The following SCHIP1 variants were observed in gnomAD, a reference collection of about 807,000 sequenced individuals.
SCHIP1 encodes schwannomin-interacting protein 1.
SCHIP1 carries 8 observed loss-of-function variants against 29.7 expected under a neutral mutation model. The ratio of observed to expected loss-of-function variants is 0.27; its 90% CI spans 0.16 to 0.49. The LOEUF is 0.49. Ranked by LOEUF, SCHIP1 falls within the 20% of genes least tolerant of loss-of-function variation. The pLI, the probability that SCHIP1 is intolerant of heterozygous loss-of-function variation, is 0.99. For missense variants in SCHIP1, 193 were observed against 294.6 expected, an observed-to-expected ratio of 0.66 and a Z score of 2.52; for synonymous variants, 76 against 94.9, an observed-to-expected ratio of 0.80 and a Z score of 1.16.
the SCHIP1 span, among the ~76,000 whole-genome samples, chr3:159,528,938 A>G: frequency 6.6e-6 from 1 of 152,168 alleles, no homozygotes; most frequent in Admixed American, 6.5e-5. Context: ...GCACATGACA[A>G]TGTATACATT....
the SCHIP1 span, among the ~76,000 whole-genome samples, chr3:159,284,673 C>G: frequency 1.1e-4 from 16 of 151,370 alleles, no homozygotes; most frequent in South Asian, 2.7e-3. Context: ...ATTTTTTTTT[C>G]TTTAGTAGAG....
the SCHIP1 span, among the ~76,000 whole-genome samples, chr3:159,393,351 C>T: frequency 1.3e-5 from 2 of 152,068 alleles, no homozygotes; most frequent in African/African-American, 4.8e-5. Flanking sequence ...GCTTTTCTTG[C>T]CATTGCTTTT....
the SCHIP1 span, among the ~76,000 whole-genome samples, chr3:159,476,002 A>G: frequency 6.6e-6 from 1 of 152,176 alleles, no homozygotes; most frequent in South Asian, 2.1e-4. Flanking sequence ...ACCAGAAACC[A>G]GGGATCTGTA....
the SCHIP1 span, among the ~76,000 whole-genome samples, chr3:159,369,915 C>T: frequency 6.6e-6 from 1 of 152,140 alleles, no homozygotes; most frequent in Non-Finnish European, 1.5e-5. Flanking sequence ...TTCTTTTCAA[C>T]CATATTCACA....
chr3:159,417,688 T>C, the SCHIP1 span, among the ~76,000 whole-genome samples: 1 of 152,214 alleles, frequency 6.6e-6, no homozygotes, highest in African/African-American at 2.4e-5. Context: ...AACTTTGCAG[T>C]GCTTTCCTAC....
chr3:159,585,042 C>T, the SCHIP1 span, among the ~76,000 whole-genome samples: 19 of 151,944 alleles, frequency 1.3e-4, no homozygotes, highest in Admixed American at 5.3e-4. Flanking sequence ...AGTTCTACCC[C>T]GGCCACCCTA....
the SCHIP1 span, among the ~76,000 whole-genome samples, chr3:159,712,688 C>G: frequency 2.0e-5 from 3 of 147,520 alleles, no homozygotes; most frequent in South Asian, 2.1e-4. Flanking sequence ...CACTTTCTAG[C>G]CTGAGTGATG....
the SCHIP1 span, among the ~76,000 whole-genome samples, chr3:159,534,662 G>A: frequency 3.0e-4 from 45 of 152,258 alleles, no homozygotes; most frequent in Non-Finnish European, 5.0e-4. Flanking sequence ...ACGTTCCACT[G>A]ACCAGAATTC....
At chr3:159,331,721 C>T in the SCHIP1 span, among the ~76,000 whole-genome samples, 1 of 152,132 alleles carries the variant, frequency 6.6e-6, no homozygotes, top group African/African-American at 2.4e-5. Flanking sequence ...GTATTTTCCC[C>T]ACACTTTTCT....
At chr3:159,707,449 G>C in the SCHIP1 span, among the ~76,000 whole-genome samples, 20 of 152,154 alleles carry the variant, frequency 1.3e-4, no homozygotes, top group Admixed American at 6.5e-4. Context: ...AAAATGATTA[G>C]CCCAAGCCAA....
chr3:159,879,335 C>T (rs764445593), intron 2 of SCHIP1, among the ~76,000 whole-genome samples: 8 of 151,002 alleles, frequency 5.3e-5, no homozygotes, highest in Non-Finnish European at 8.8e-5. Flanking sequence ...TTTTAAAGTG[C>T]TCTGACATCT....
the SCHIP1 span, among the ~76,000 whole-genome samples, chr3:159,547,493 C>T: frequency 6.6e-6 from 1 of 152,096 alleles, no homozygotes; most frequent in Non-Finnish European, 1.5e-5. Context: ...TTTGCCCATG[C>T]CTATGTCCTG....
At chr3:159,681,908 C>T in the SCHIP1 span, among the ~76,000 whole-genome samples, 49 of 115,754 alleles carry the variant, frequency 4.2e-4, no homozygotes, top group African/African-American at 2.0e-3. Flanking sequence ...GTTAACTCAA[C>T]GTTAACTTAG....
chr3:159,310,912 G>A, the SCHIP1 span, among the ~76,000 whole-genome samples: 1 of 152,140 alleles, frequency 6.6e-6, no homozygotes, highest in South Asian at 2.1e-4. Context: ...AATTGAAATA[G>A]AGATATGATC....
chr3:159,642,528 G>T, the SCHIP1 span, among the ~76,000 whole-genome samples: 1 of 152,036 alleles, frequency 6.6e-6, no homozygotes, highest in Non-Finnish European at 1.5e-5. Context: ...AAATGATATT[G>T]TTAATTTATT....
chr3:159,680,037 G>A, the SCHIP1 span, among the ~76,000 whole-genome samples: 147,004 of 150,758 alleles, frequency 0.98, 71,757 homozygotes, highest in East Asian at 1. Context: ...TATTTATCTC[G>A]GTACTTCCCA....
chr3:159,690,559 T>C, the SCHIP1 span, among the ~76,000 whole-genome samples: 3 of 152,218 alleles, frequency 2.0e-5, no homozygotes, highest in Non-Finnish European at 2.9e-5. Context: ...CCTGGATTCA[T>C]TGATTTTTTG....
At chr3:159,489,814 GAC>G in the SCHIP1 span, among the ~76,000 whole-genome samples, 1 of 152,152 alleles carries the variant, frequency 6.6e-6, no homozygotes, top group East Asian at 1.9e-4. Flanking sequence ...AGAATTCTAA[GAC>G]ATGTTGATAA....
chr3:159,674,303 G>A, the SCHIP1 span, among the ~76,000 whole-genome samples: 1 of 152,156 alleles, frequency 6.6e-6, no homozygotes, highest in African/African-American at 2.4e-5. Context: ...AGAAGGGTCA[G>A]GGAGAGGGGC....
Sources: allele counts gnomAD v4.1 joint callset (sites outside exome capture counted in the v4.1 genomes callset), GRCh38; gene constraint gnomAD v4.1.1; transcripts MANE v1.5; gene names NCBI Gene and HGNC (gene_info 2026-07-23, HGNC 2026-07-21).